Variants in TBC1D22A observed in about 807,000 individuals in gnomAD.
The protein encoded by TBC1D22A is putative GTPase activator.
In TBC1D22A, 38 loss-of-function variants were observed where a neutral mutation model predicts 60.2. That is an observed-to-expected ratio of 0.63 (90% CI 0.49 to 0.83). TBC1D22A has a LOEUF of 0.83. Among genes scored for constraint, TBC1D22A ranks in the 40% least tolerant of loss-of-function variants. The pLI is 0.00. For missense variants in TBC1D22A, 628 were observed against 701.0 expected, an observed-to-expected ratio of 0.90 and a Z score of 1.18; for synonymous variants, 302 against 281.7, an observed-to-expected ratio of 1.07 and a Z score of -0.72.
intron 11 of TBC1D22A, among the ~76,000 whole-genome samples, chr22:47,048,760 C>T (rs770220712): frequency 3.9e-5 from 6 of 152,114 alleles, no homozygotes; most frequent in African/African-American, 7.2e-5. Flanking sequence ...TTACTGTTGC[C>T]CAGCTCTGGG....
intron 4 of TBC1D22A, among the ~76,000 whole-genome samples, chr22:46,832,734 T>C (rs2086364836): frequency 6.6e-6 from 1 of 152,260 alleles, no homozygotes; most frequent in Non-Finnish European, 1.5e-5. Flanking sequence ...TCTGTGGAAA[T>C]AAATGATAAT....
rs74616132 is a variant in TBC1D22A, at chr22:47,118,340, C to G, written c.1425+6737C>G. The stretch of plus-strand genomic sequence containing the variant: ...TAAACTTTGTTCACTGAGCATAATA[C>G]TTTAAAATTAGATCATAATAAAGTT... On this transcript the variant is annotated intron_variant, in intron 12 of 12. Transcript: ENST00000337137. Among the ~76,000 whole-genome samples, 403 of 152,196 alleles carry G rather than the reference C, an allele frequency of 2.6e-3. 2 individuals carry two copies. The highest frequency in any genetic ancestry group is 9.4e-3 in the African/African-American group (389 of 41,526).
chr22:47,124,600 C>G (rs1035847999), intron 12 of TBC1D22A, among the ~76,000 whole-genome samples: 1 of 152,218 alleles, frequency 6.6e-6, no homozygotes, highest in Non-Finnish European at 1.5e-5. Flanking sequence ...GGCAAATCAG[C>G]TGGGCACGGG....
intron 4 of TBC1D22A, among the ~76,000 whole-genome samples, chr22:46,877,273 A>G (rs1480829907): frequency 2.0e-5 from 3 of 152,244 alleles, no homozygotes; most frequent in Admixed American, 2.0e-4. Flanking sequence ...CTCTTTTAAC[A>G]CCAAAGCTTG....
intron 10 of TBC1D22A, among the ~76,000 whole-genome samples, chr22:47,035,717 T>C (rs2062632755): frequency 6.6e-6 from 1 of 152,190 alleles, no homozygotes; most frequent in Non-Finnish European, 1.5e-5. Context: ...GGACCAGAGC[T>C]GCCCATGCTT....
intron 1 of TBC1D22A, among the ~76,000 whole-genome samples, chr22:46,771,895 G>A (rs1450169177): frequency 6.6e-6 from 1 of 151,890 alleles, no homozygotes; most frequent in Non-Finnish European, 1.5e-5. Flanking sequence ...ATGCCTAGCC[G>A]TTAGCTCCCA....
chr22:46,831,568 T>A (rs988683217), intron 4 of TBC1D22A, among the ~76,000 whole-genome samples: 3 of 152,164 alleles, frequency 2.0e-5, no homozygotes, highest in African/African-American at 7.2e-5. Flanking sequence ...ATGGTCTGAT[T>A]GAAAAAGTAA....
chr22:47,035,694 G>A (rs1023728878), intron 10 of TBC1D22A, among the ~76,000 whole-genome samples: 1 of 152,176 alleles, frequency 6.6e-6, no homozygotes, highest in African/African-American at 2.4e-5. Flanking sequence ...CGCCACAGCA[G>A]GGTCCCATCA....
intron 8 of TBC1D22A, among the ~76,000 whole-genome samples, chr22:46,960,762 C>T (rs1327737622): frequency 2.0e-5 from 3 of 151,910 alleles, no homozygotes; most frequent in Non-Finnish European, 2.9e-5. Context: ...CTGGCTAACA[C>T]GGTGAAACGC....
rs190494404 is a variant in TBC1D22A at position 46,944,546 on chromosome 22, C to T, written c.1016-29744C>T. ...CCCAAGTAGCTGGGACTACAGGCGC[C>T]CGCCACCATGCCCGGCTAATTTCTT... On this transcript the variant is annotated intron_variant, in intron 8 of 12. Transcript: ENST00000337137. Among the ~76,000 whole-genome samples the T allele has an allele frequency of 5.2e-3, 787 of 152,178 alleles. 8 individuals are homozygous for T. Among genetic ancestry groups the T allele is most frequent in the African/African-American group, 0.017 (694 of 41,516 alleles).
At chr22:46,779,943 C>T (rs1374233568) in intron 1 of TBC1D22A, among the ~76,000 whole-genome samples, 4 of 152,220 alleles carry the variant, frequency 2.6e-5, no homozygotes, top group African/African-American at 9.6e-5. Flanking sequence ...GCTGTTGACC[C>T]TCGGGGTGGG....
At chr22:46,771,662 T>C (rs2146712207) in intron 1 of TBC1D22A, among the ~76,000 whole-genome samples, 1 of 151,920 alleles carries the variant, frequency 6.6e-6, no homozygotes, top group East Asian at 1.9e-4. Context: ...TGGCGCGATC[T>C]CAGCTCATTG....
chr22:46,868,116 A>G (rs921516957), intron 4 of TBC1D22A, among the ~76,000 whole-genome samples: 1 of 152,194 alleles, frequency 6.6e-6, no homozygotes, highest in South Asian at 2.1e-4. Context: ...CTCTGAACGC[A>G]GTTTTTTCAC....
chr22:46,969,676 T>C (rs1284272168), intron 8 of TBC1D22A, among the ~76,000 whole-genome samples: 4 of 152,122 alleles, frequency 2.6e-5, no homozygotes, highest in African/African-American at 4.8e-5. Flanking sequence ...CAGGTTCCCT[T>C]GGGGTTAGCC....
chr22:47,106,737 C>T (rs2065648619), intron 11 of TBC1D22A, among the ~76,000 whole-genome samples: 6 of 151,942 alleles, frequency 3.9e-5, no homozygotes. Flanking sequence ...TCTAAACAAA[C>T]ATATATGAAA....
chr22:46,774,186 G>A (rs1326087562), intron 1 of TBC1D22A: 4 of 985,458 alleles, frequency 4.1e-6, no homozygotes, highest in South Asian at 4.7e-5. Context: ...TCCAGGCTGG[G>A]GGAAAACCAG....
chr22:46,826,799 CAG>C (rs61471909), intron 4 of TBC1D22A, among the ~76,000 whole-genome samples: 2,831 of 152,302 alleles, frequency 0.019, 91 homozygotes, highest in African/African-American at 0.065. Flanking sequence ...ACCCACGCAG[CAG>C]AGTCAGGATT....
chr22:46,806,364 G>A (rs375525552), intron 4 of TBC1D22A, among the ~76,000 whole-genome samples: 1 of 135,390 alleles, frequency 7.4e-6, no homozygotes, highest in African/African-American at 2.7e-5. Context: ...TTTTTGCCCG[G>A]AAATGGAGCT....
intron 11 of TBC1D22A, among the ~76,000 whole-genome samples, chr22:47,051,310 A>G (rs1041124045): frequency 2.0e-5 from 3 of 152,242 alleles, no homozygotes; most frequent in African/African-American, 4.8e-5. Flanking sequence ...GTACCTGGTT[A>G]TAGATAATTA....
Sources: gnomAD v4.1 joint callset for allele counts (sites outside exome capture counted in the v4.1 genomes callset) on GRCh38, gnomAD v4.1.1 for gene constraint, MANE v1.5 for transcripts, NCBI Gene and HGNC (gene_info 2026-07-23, HGNC 2026-07-21) for gene names.